The following CDK19 variants were observed in gnomAD, a reference collection of about 807,000 sequenced individuals.
CDK19 encodes cyclin dependent kinase 19.
Under a neutral mutation model 68.3 loss-of-function variants are expected in CDK19, and 20 were observed. That is an observed-to-expected ratio of 0.29 (90% CI 0.21 to 0.43). The LOEUF is 0.43. Ranked by LOEUF, CDK19 falls within the 20% of genes least tolerant of loss-of-function variation. CDK19 has a pLI of 1.00. For missense variants in CDK19, 339 were observed against 623.5 expected, an observed-to-expected ratio of 0.54 and a Z score of 4.86; for synonymous variants, 221 against 222.8, an observed-to-expected ratio of 0.99 and a Z score of 0.07.
intron 2 of CDK19, among the ~76,000 whole-genome samples, chr6:110,705,439 T>G (rs1774383720): frequency 6.6e-6 from 1 of 151,952 alleles, no homozygotes; most frequent in Non-Finnish European, 1.5e-5. Flanking sequence ...CAGGAGAGAG[T>G]GCTCAACTGC....
intron 2 of CDK19, among the ~76,000 whole-genome samples, chr6:110,680,567 G>A (rs748419163): frequency 6.6e-6 from 1 of 152,048 alleles, no homozygotes; most frequent in Non-Finnish European, 1.5e-5. Flanking sequence ...AACAACAACA[G>A]TAAACAACCT....
chr6:110,691,495 C>T (rs1415827729), intron 2 of CDK19, among the ~76,000 whole-genome samples: 2 of 151,536 alleles, frequency 1.3e-5, no homozygotes, highest in Non-Finnish European at 2.9e-5. Context: ...GAAAGAAAAC[C>T]TAGGCCAGGT....
At chr6:110,690,976 G>A (rs975423392) in intron 2 of CDK19, among the ~76,000 whole-genome samples, 8 of 152,210 alleles carry the variant, frequency 5.3e-5, no homozygotes, top group Admixed American at 5.2e-4. Flanking sequence ...ACAGAGCTCA[G>A]CAACATCCAC....
At position 110,718,403 on chromosome 6, in the gene CDK19, A is replaced by T. The variant is rs552678134; in HGVS notation, c.204+27723T>A. Among the ~76,000 whole-genome samples, 3 of 152,186 alleles carry T rather than the reference A, an allele frequency of 2.0e-5. No individual in the cohort carries two copies. In the East Asian group the frequency reaches 5.8e-4, roughly 29 times the overall value. ...CCTAGGAAGAGCTACTATGTCAGTG[A>T]AAACAAGACTAGGAAAACTCTATCA... On this transcript the variant is annotated intron_variant, in intron 2 of 12. Coordinates refer to ENST00000368911, the MANE Select transcript of CDK19 (RefSeq NM_015076.5).
intron 2 of CDK19, among the ~76,000 whole-genome samples, chr6:110,671,395 T>A (rs1771002618): frequency 6.6e-6 from 1 of 152,166 alleles, no homozygotes; most frequent in Non-Finnish European, 1.5e-5. Context: ...AGAAACATAT[T>A]CAATTTAATA....
At chr6:110,655,237 G>A (rs1022017336) in intron 4 of CDK19, among the ~76,000 whole-genome samples, 13 of 151,480 alleles carry the variant, frequency 8.6e-5, no homozygotes, top group African/African-American at 3.2e-4. Flanking sequence ...ATGGTGGCAC[G>A]CACCTGTAGT....
chr6:110,616,733 C>T (rs1778338171), intron 12 of CDK19, among the ~76,000 whole-genome samples: 2 of 151,236 alleles, frequency 1.3e-5, no homozygotes, highest in African/African-American at 2.4e-5. Context: ...TGAATAGTCA[C>T]ATTGGTTACA....
intron 2 of CDK19, among the ~76,000 whole-genome samples, chr6:110,676,545 T>C (rs1399345618): frequency 1.3e-5 from 2 of 152,172 alleles, no homozygotes; most frequent in Non-Finnish European, 2.9e-5. Context: ...AACTGTATTA[T>C]TGTCTTACTT....
intron 2 of CDK19, among the ~76,000 whole-genome samples, chr6:110,732,149 A>C (rs12208594): frequency 0.047 from 7,152 of 151,920 alleles, 176 homozygotes; most frequent in Middle Eastern, 0.078. Context: ...TTGTTTCCTA[A>C]ATCTCTCTTA....
chr6:110,787,587 T>C (rs945608731), intron 1 of CDK19, among the ~76,000 whole-genome samples: 5 of 151,958 alleles, frequency 3.3e-5, no homozygotes, highest in African/African-American at 1.2e-4. Flanking sequence ...GCTGACACTC[T>C]AGGTAACGTG....
intron 8 of CDK19, among the ~76,000 whole-genome samples, chr6:110,623,947 A>G (rs180990148): frequency 3.4e-5 from 5 of 148,694 alleles, no homozygotes; most frequent in East Asian, 1.9e-4. Context: ...ATATGTGTGT[A>G]TATATATATA....
intron 2 of CDK19, among the ~76,000 whole-genome samples, chr6:110,721,097 G>A (rs12211314): frequency 0.047 from 7,188 of 151,796 alleles, 177 homozygotes; most frequent in Middle Eastern, 0.078. Context: ...AAAATTAGCT[G>A]GTCGTGGTGA....
chr6:110,779,380 G>A (rs1185034167), intron 1 of CDK19, among the ~76,000 whole-genome samples: 2 of 152,142 alleles, frequency 1.3e-5, no homozygotes, highest in African/African-American at 4.8e-5. Flanking sequence ...ACAAACTCGT[G>A]TACCAAATAT....
At chr6:110,776,386 G>A (rs1780397127) in intron 1 of CDK19, among the ~76,000 whole-genome samples, 1 of 151,308 alleles carries the variant, frequency 6.6e-6, no homozygotes, top group African/African-American at 2.4e-5. Context: ...CCGAGATCGT[G>A]CCACTGCACT....
intron 1 of CDK19, among the ~76,000 whole-genome samples, chr6:110,769,152 C>CA (rs536664282): frequency 0.091 from 4,447 of 48,858 alleles, 383 homozygotes; most frequent in African/African-American, 0.11. Context: ...GACTCTGTCT[C>CA]AAAAAAAAAA....
At chr6:110,773,291 G>A (rs1780168535) in intron 1 of CDK19, among the ~76,000 whole-genome samples, 1 of 150,272 alleles carries the variant, frequency 6.7e-6, no homozygotes, top group South Asian at 2.1e-4. Flanking sequence ...GTTGCAGTGA[G>A]CCAAGATCGC....
At chr6:110,734,758 G>C (rs1181966691) in intron 2 of CDK19, among the ~76,000 whole-genome samples, 1 of 151,964 alleles carries the variant, frequency 6.6e-6, no homozygotes, top group East Asian at 1.9e-4. Flanking sequence ...TGATTATACA[G>C]TGTTGAAAAT....
At chr6:110,660,231 G>C (rs1417492383) in intron 4 of CDK19, among the ~76,000 whole-genome samples, 2 of 152,056 alleles carry the variant, frequency 1.3e-5, no homozygotes, top group African/African-American at 4.8e-5. Flanking sequence ...TGCCAGCAGG[G>C]GCAAACTCCA....
chr6:110,792,729 C>T (rs1337619297), intron 1 of CDK19, among the ~76,000 whole-genome samples: 1 of 152,200 alleles, frequency 6.6e-6, no homozygotes, highest in Non-Finnish European at 1.5e-5. Context: ...GGATAAAATT[C>T]TATCTTCCTG....
Sources: gnomAD v4.1 joint callset for allele counts (sites outside exome capture counted in the v4.1 genomes callset) on GRCh38, gnomAD v4.1.1 for gene constraint, MANE v1.5 for transcripts, NCBI Gene and HGNC (gene_info 2026-07-23, HGNC 2026-07-21) for gene names.